Variants in ATP1B3 observed in about 807,000 individuals in gnomAD.
The protein encoded by ATP1B3 is ATPase Na+/K+ transporting subunit beta 3, also known as sodium/potassium-transporting ATPase subunit beta-3.
In ATP1B3, 10 loss-of-function variants were observed where a neutral mutation model predicts 30.2. The ratio of observed to expected loss-of-function variants is 0.33; its 90% CI spans 0.20 to 0.56. The LOEUF is 0.56. ATP1B3 is among the 20% of genes least tolerant of loss of function. The pLI is 0.90. For missense variants in ATP1B3, 238 were observed against 336.7 expected (o/e 0.71, Z 2.29); for synonymous variants, 113 against 117.0 (o/e 0.97, Z 0.22).
At chr3:141,889,394 GAA>G (rs1318851558) in intron 1 of ATP1B3, among the ~76,000 whole-genome samples, 2 of 151,970 alleles carry the variant, frequency 1.3e-5, no homozygotes, top group African/African-American at 4.8e-5. Context: ...GATAAACTGA[GAA>G]ATGGAATTGC....
At chr3:141,923,210 A>G (rs555583279) in intron 6 of ATP1B3, among the ~76,000 whole-genome samples, 2 of 150,558 alleles carry the variant, frequency 1.3e-5, no homozygotes, top group Non-Finnish European at 3.0e-5. Flanking sequence ...CCTGGGAGGC[A>G]GAGATTGCAG....
intron 3 of ATP1B3, among the ~76,000 whole-genome samples, chr3:141,911,205 T>C (rs1045223155): frequency 1.3e-5 from 2 of 152,124 alleles, no homozygotes; most frequent in Admixed American, 6.5e-5. Flanking sequence ...ACTATTCTGT[T>C]TGTTGGGTCT....
intron 1 of ATP1B3, among the ~76,000 whole-genome samples, chr3:141,885,138 G>A (rs183677089): frequency 1.7e-3 from 261 of 152,222 alleles, no homozygotes; most frequent in South Asian, 9.9e-3. Context: ...CTATCCTGTC[G>A]TCTAGGCTCC....
chr3:141,877,954 C>G (rs576279194), intron 1 of ATP1B3, among the ~76,000 whole-genome samples: 2 of 151,902 alleles, frequency 1.3e-5, no homozygotes, highest in East Asian at 3.9e-4. Flanking sequence ...ATCTCGAGAG[C>G]TTAGAACTAT....
rs71153925 is a variant in ATP1B3, at chr3:141,889,830, C to CATAT, written c.109+12932_109+12935dup. ...ACATATATGTGTGTATATACATATA[C>CATAT]ATATATATATATATACAGTTCTCCA... On this transcript the variant is annotated intron_variant, in intron 1 of 6. Coordinates refer to ENST00000286371, the MANE Select transcript of ATP1B3 (RefSeq NM_001679.4). Among the ~76,000 whole-genome samples, 814 of 137,442 alleles carry CATAT rather than the reference C, an allele frequency of 5.9e-3. 6 individuals are homozygous for CATAT. Among genetic ancestry groups the CATAT allele is most frequent in the African/African-American group, 0.016 (600 of 37,542 alleles). 90.2% of individuals were successfully genotyped at this position (137,442 alleles called of 152,430 possible). A position where few individuals can be genotyped will look rare whatever the true frequency, so the allele number is the denominator to read the frequency against.
chr3:141,897,955 C>A (rs1192970667), intron 1 of ATP1B3, among the ~76,000 whole-genome samples: 1 of 152,202 alleles, frequency 6.6e-6, no homozygotes, highest in Admixed American at 6.5e-5. Context: ...GGTGATCTGC[C>A]TGCCTCGGCC....
intron 3 of ATP1B3, among the ~76,000 whole-genome samples, chr3:141,913,241 C>A (rs2107776700): frequency 6.6e-6 from 1 of 151,562 alleles, no homozygotes; most frequent in Middle Eastern, 3.4e-3. Flanking sequence ...ACTACATCTT[C>A]ATACCTCTGC....
chr3:141,891,886 G>A (rs1236129211), intron 1 of ATP1B3, among the ~76,000 whole-genome samples: 1 of 146,030 alleles, frequency 6.8e-6, no homozygotes, highest in African/African-American at 2.5e-5. Context: ...TAGAGAATGT[G>A]GCCTCTTTTT....
chr3:141,882,270 C>T (rs75678379), intron 1 of ATP1B3, among the ~76,000 whole-genome samples: 1 of 152,156 alleles, frequency 6.6e-6, no homozygotes, highest in Non-Finnish European at 1.5e-5. Flanking sequence ...TGCATTCATT[C>T]TGTTGGTTTT....
chr3:141,891,298 G>A (rs545895091), intron 1 of ATP1B3, among the ~76,000 whole-genome samples: 1 of 152,114 alleles, frequency 6.6e-6, no homozygotes, highest in Non-Finnish European at 1.5e-5. Flanking sequence ...TTCAGTTTTA[G>A]TATCCAAATA....
intron 1 of ATP1B3, among the ~76,000 whole-genome samples, chr3:141,895,895 CTT>C (rs2107769342): frequency 6.6e-6 from 1 of 152,310 alleles, no homozygotes; most frequent in South Asian, 2.1e-4. Context: ...TACGGTCAGT[CTT>C]TAAAATTTCT....
intron 1 of ATP1B3, among the ~76,000 whole-genome samples, chr3:141,892,678 A>C (rs1933979142): frequency 7.2e-6 from 1 of 139,452 alleles, no homozygotes; most frequent in Non-Finnish European, 1.5e-5. Context: ...AAAAAAAAAC[A>C]GTTATCGAAT....
chr3:141,876,752 C>G lies in ATP1B3; in HGVS notation c.-50C>G. The G allele has an allele frequency of 6.8e-7, 1 of 1,476,650 alleles. No individual in the cohort carries two copies. The highest frequency in any genetic ancestry group is 9.3e-7 in the Non-Finnish European group (1 of 1,075,446). 91.5% of individuals were successfully genotyped at this position (1,476,650 alleles called of 1,614,324 possible). ...CCGGGACGCGCCTCCGCAGCCCTCG[C>G]CGCCTCCATCCCCGCGGCCGCAGCT... On this transcript the variant is annotated 5_prime_UTR_variant, in exon 1 of 7. Transcript: ENST00000286371.
chr3:141,913,248 C>G (rs1310993597), intron 3 of ATP1B3, among the ~76,000 whole-genome samples: 1 of 151,356 alleles, frequency 6.6e-6, no homozygotes, highest in Non-Finnish European at 1.5e-5. Context: ...CTTCATACCT[C>G]TGCAATTCTG....
At chr3:141,883,616 C>T (rs1933775824) in intron 1 of ATP1B3, among the ~76,000 whole-genome samples, 1 of 152,154 alleles carries the variant, frequency 6.6e-6, no homozygotes, top group African/African-American at 2.4e-5. Context: ...AGACTATAAT[C>T]TTATTCTTGT....
chr3:141,905,181 A>T (rs1934241014), intron 2 of ATP1B3, among the ~76,000 whole-genome samples: 1 of 152,176 alleles, frequency 6.6e-6, no homozygotes, highest in Non-Finnish European at 1.5e-5. Context: ...GTTCTACCTA[A>T]AGAAGAAAGT....
At chr3:141,877,226 G>C (rs1010041558) in intron 1 of ATP1B3, among the ~76,000 whole-genome samples, 26 of 99,730 alleles carry the variant, frequency 2.6e-4, no homozygotes, top group African/African-American at 8.4e-4. Flanking sequence ...GGAAGCCGGG[G>C]ACCCCTGCCC....
intron 1 of ATP1B3, among the ~76,000 whole-genome samples, chr3:141,892,672 A>AC (rs886120278): frequency 7.0e-6 from 1 of 143,062 alleles, no homozygotes; most frequent in Non-Finnish European, 1.6e-5. Context: ...AAAAAAAAAA[A>AC]AAAACAGTTA....
intron 1 of ATP1B3, among the ~76,000 whole-genome samples, chr3:141,890,428 A>G (rs1213733383): frequency 4.1e-4 from 61 of 148,948 alleles, no homozygotes; most frequent in Admixed American, 3.5e-3. Flanking sequence ...TCAGCCTCCC[A>G]AGTAGCTGGG....
Sources: allele counts gnomAD v4.1 joint callset (sites outside exome capture counted in the v4.1 genomes callset), GRCh38; gene constraint gnomAD v4.1.1; transcripts MANE v1.5; gene names NCBI Gene and HGNC (gene_info 2026-07-23, HGNC 2026-07-21).